Variants in KIF6 observed in about 807,000 individuals in gnomAD.
KIF6 encodes kinesin-like protein KIF6.
A neutral mutation model predicts 112.7 loss-of-function variants in KIF6; 106 were observed. The observed-to-expected ratio is 0.94, with a 90% CI of 0.80 to 1.11. The LOEUF is 1.11. Ranked by LOEUF, KIF6 falls within the 50% of genes least tolerant of loss-of-function variation. The pLI, the probability that KIF6 is intolerant of heterozygous loss-of-function variation, is 0.00. For missense variants in KIF6, 929 were observed against 964.0 expected (o/e 0.96, Z 0.48); for synonymous variants, 339 against 339.9 (o/e 1.00, Z 0.03).
intron 9 of KIF6, among the ~76,000 whole-genome samples, chr6:39,578,636 A>AT (rs760948259): frequency 1.6e-4 from 24 of 151,964 alleles, no homozygotes; most frequent in South Asian, 4.2e-4. Context: ...AGCCTCTATA[A>AT]TTTTTTTTAA....
At chr6:39,399,154 T>G (rs1333462819) in intron 15 of KIF6, among the ~76,000 whole-genome samples, 2 of 152,220 alleles carry the variant, frequency 1.3e-5, no homozygotes, top group East Asian at 3.8e-4. Context: ...TGCCTCAAAA[T>G]AAATCTCTCT....
At chr6:39,383,597 T>C (rs6917494) in intron 16 of KIF6, among the ~76,000 whole-genome samples, 41,753 of 152,134 alleles carry the variant, frequency 0.27, 8,795 homozygotes, top group African/African-American at 0.59. Flanking sequence ...TAATGTGATA[T>C]CTCCAGCTTT....
intron 3 of KIF6, among the ~76,000 whole-genome samples, chr6:39,692,623 C>T (rs1039887032): frequency 6.6e-6 from 1 of 152,166 alleles, no homozygotes; most frequent in African/African-American, 2.4e-5. Flanking sequence ...TAAGCTAAAA[C>T]TGTGATAGAA....
intron 9 of KIF6, among the ~76,000 whole-genome samples, chr6:39,583,630 T>C (rs925772648): frequency 5.3e-5 from 8 of 151,292 alleles, no homozygotes; most frequent in Non-Finnish European, 1.2e-4. Context: ...TTTTTTTTGA[T>C]TTGAGAAATT....
At chr6:39,400,305 C>T (rs916818837) in intron 15 of KIF6, among the ~76,000 whole-genome samples, 1 of 152,252 alleles carries the variant, frequency 6.6e-6, no homozygotes, top group African/African-American at 2.4e-5. Flanking sequence ...TGGAAAAGGG[C>T]GGCATTCTTT....
At chr6:39,533,375 G>A (rs1425079955) in intron 13 of KIF6, among the ~76,000 whole-genome samples, 1 of 152,218 alleles carries the variant, frequency 6.6e-6, no homozygotes, top group African/African-American at 2.4e-5. Context: ...CACATGGCTT[G>A]GAGGGTCCTG....
In KIF6 at chr6:39,473,295, A is replaced by T. The variant is rs1053541907; in HGVS notation, c.1646-42134T>A. On this transcript the variant is annotated intron_variant, in intron 13 of 22. Coordinates refer to ENST00000287152, the MANE Select transcript of KIF6 (RefSeq NM_145027.6). The stretch of plus-strand genomic sequence containing the variant: ...AGAAAAAAAGGATAATACAAAATCA[A>T]TTTAGGTAAAAAAAAAATAAGGTTT... Among the ~76,000 whole-genome samples the T allele has an allele frequency of 3.3e-5, 5 of 152,120 alleles. 1 individual carries two copies.
intron 14 of KIF6, among the ~76,000 whole-genome samples, chr6:39,422,319 G>A (rs76653045): frequency 0.034 from 5,148 of 152,260 alleles, 142 homozygotes; most frequent in Non-Finnish European, 0.046. Flanking sequence ...CTGGCAGAGG[G>A]AGCCGCTGAG....
intron 20 of KIF6, among the ~76,000 whole-genome samples, chr6:39,346,120 T>TCC (rs1562113243): frequency 2.1e-5 from 1 of 47,874 alleles, no homozygotes; most frequent in Non-Finnish European, 3.2e-5. Context: ...CCTCTCCCTC[T>TCC]CCCTCCCTCT....
chr6:39,375,273 G>C (rs1766348869), intron 16 of KIF6, among the ~76,000 whole-genome samples: 1 of 152,138 alleles, frequency 6.6e-6, no homozygotes, highest in Non-Finnish European at 1.5e-5. Flanking sequence ...GAATGTTTTT[G>C]AGATCTATTG....
intron 13 of KIF6, among the ~76,000 whole-genome samples, chr6:39,500,049 T>C (rs1325169610): frequency 6.6e-6 from 1 of 152,042 alleles, no homozygotes; most frequent in Admixed American, 6.6e-5. Flanking sequence ...GAGCATGACA[T>C]CTGGAGTGGC....
chr6:39,704,046 C>G (rs923546343), intron 3 of KIF6, among the ~76,000 whole-genome samples: 3 of 152,000 alleles, frequency 2.0e-5, no homozygotes, highest in Non-Finnish European at 4.4e-5. Flanking sequence ...TTTTTGGTGC[C>G]TCGGGAGAAA....
At chr6:39,507,542 T>C (rs1776489980) in intron 13 of KIF6, among the ~76,000 whole-genome samples, 1 of 151,870 alleles carries the variant, frequency 6.6e-6, no homozygotes, top group African/African-American at 2.4e-5. Flanking sequence ...GGGAGGGCGG[T>C]ATACGTTTTT....
At chr6:39,422,676 G>A (rs533738004) in intron 14 of KIF6, among the ~76,000 whole-genome samples, 5 of 152,144 alleles carry the variant, frequency 3.3e-5, no homozygotes, top group Non-Finnish European at 5.9e-5. Flanking sequence ...GGAAAGATGC[G>A]AGAAAGAGGG....
At chr6:39,567,584 AC>A (rs1371013895) in intron 10 of KIF6, among the ~76,000 whole-genome samples, 1 of 151,994 alleles carries the variant, frequency 6.6e-6, no homozygotes, top group African/African-American at 2.4e-5. Flanking sequence ...TCCAGTGGAT[AC>A]CAAATCAATG....
chr6:39,643,895 T>C (rs908423281), intron 3 of KIF6, among the ~76,000 whole-genome samples: 1 of 152,144 alleles, frequency 6.6e-6, no homozygotes, highest in Non-Finnish European at 1.5e-5. Context: ...ACAATGGAGA[T>C]AATGTATGCA....
intron 13 of KIF6, among the ~76,000 whole-genome samples, chr6:39,528,979 T>C (rs2150539195): frequency 6.6e-6 from 1 of 152,258 alleles, no homozygotes; most frequent in African/African-American, 2.4e-5. Context: ...CATCGACCAA[T>C]GGAACAGAAT....
intron 3 of KIF6, among the ~76,000 whole-genome samples, chr6:39,680,387 G>A (rs1787443961): frequency 6.6e-6 from 1 of 152,194 alleles, no homozygotes; most frequent in Non-Finnish European, 1.5e-5. Context: ...AGTAATTCCT[G>A]CTGTACCCAT....
intron 17 of KIF6, among the ~76,000 whole-genome samples, chr6:39,361,859 C>T (rs1765178276): frequency 6.6e-6 from 1 of 152,124 alleles, no homozygotes; most frequent in Admixed American, 6.5e-5. Context: ...ACCACCAGCT[C>T]CTTGAGGCAG....
Sources: gnomAD v4.1 joint callset for allele counts (sites outside exome capture counted in the v4.1 genomes callset) on GRCh38, gnomAD v4.1.1 for gene constraint, MANE v1.5 for transcripts, NCBI Gene and HGNC (gene_info 2026-07-23, HGNC 2026-07-21) for gene names.